NFE2L3: variants seen among roughly 807,000 people sequenced by gnomAD.
NFE2L3 encodes the protein nuclear factor erythroid 2-related factor 3.
NFE2L3 carries 18 observed loss-of-function variants against 23.5 expected under a neutral mutation model. The ratio of observed to expected loss-of-function variants is 0.77; its 90% CI spans 0.53 to 1.13. NFE2L3 has a LOEUF of 1.13. NFE2L3 is among the 50% of genes most tolerant of loss of function. The probability of loss-of-function intolerance (pLI) is 0.00; values close to 1 mark genes in which losing one functional copy is unlikely to be tolerated. For synonymous variants in NFE2L3, 424 were observed against 354.5 expected (o/e 1.20, Z -2.20); for missense variants, 1,152 against 877.2 (o/e 1.31, Z -3.96).
chr7:26,184,767 C>T lies in NFE2L3; in HGVS notation c.1069C>T (p.Pro357Ser), dbSNP rs775776540. ...SHTTNPEQTL[P>S]GTNLTGFLSP... ...TACCACCAATCCTGAGCAAACCCTT[C>T]CTGGAACTAATTTGACAGGATTTCT... is the stretch of plus-strand genomic sequence containing the variant. The change falls in exon 4 of 4, where the codon CCT becomes TCT. Residue 357 changes from proline to serine, a missense_variant. Coordinates refer to ENST00000056233, the MANE Select transcript of NFE2L3 (RefSeq NM_004289.7). The T allele has an allele frequency of 3.1e-6, 5 of 1,613,944 alleles. No homozygotes were observed. Among genetic ancestry groups the T allele is most frequent in the Non-Finnish European group, 4.2e-6 (5 of 1,179,856 alleles).
At chr7:26,167,174 CG>C (rs1478969691) in intron 1 of NFE2L3, among the ~76,000 whole-genome samples, 14 of 152,292 alleles carry the variant, frequency 9.2e-5, no homozygotes, top group African/African-American at 3.4e-4. Flanking sequence ...GCTTCTTACC[CG>C]GGTGGCAAAG....
rs1204227710 is a variant in NFE2L3 at position 26,152,630 on chromosome 7, C to T, written c.132C>T (p.Asp44=). Residue 44 remains aspartate, a synonymous_variant, in exon 1 of 4, where the codon GAC becomes GAT. Coordinates refer to ENST00000056233, the MANE Select transcript of NFE2L3 (RefSeq NM_004289.7). This position sits in a 1 kb window ranked among gnomAD's most constrained non-coding sequence, Gnocchi z 4.4. ...TGCCGCCGCCCACCCTGCTGCAGGA[C>T]GAGCTGCTGTTCCTGGGCGGCCCGG... The part of the protein sequence containing the change: ...LLLPPPTLLQ[D]ELLFLGGPAS... 2.0e-6 allele frequency: 3 copies of T among 1,530,192 alleles called. No individual in the cohort carries two copies. The highest frequency in any genetic ancestry group is 2.4e-5 in the South Asian group (2 of 82,940). 94.8% of individuals were successfully genotyped at this position (1,530,192 alleles called of 1,614,324 possible).
At chr7:26,170,960 G>A (rs528567784) in intron 1 of NFE2L3, among the ~76,000 whole-genome samples, 1 of 152,308 alleles carries the variant, frequency 6.6e-6, no homozygotes, top group East Asian at 1.9e-4. Context: ...TGGGGAAGCT[G>A]AGAGGTGAGA....
rs148621178 is a variant in NFE2L3, at chr7:26,178,517, A to G, written c.750+395A>G. Among the ~76,000 whole-genome samples the G allele has an allele frequency of 3.1e-4, 47 of 152,290 alleles. No homozygotes were observed. The East Asian group carries it at 7.1e-3, about 23-fold the overall frequency. On this transcript the variant is annotated intron_variant, in intron 2 of 3. Coordinates refer to ENST00000056233, the MANE Select transcript of NFE2L3 (RefSeq NM_004289.7). ...AAGCCGAGGACCAACCCTACAGCCA[A>G]TCACCCATGATGTCAGCTAAGGCTT... is the stretch of plus-strand genomic sequence containing the variant.
rs752875806 is a variant in NFE2L3, at chr7:26,184,695, G to T, written c.997G>T (p.Ala333Ser). ...PNNTFRRDPT[A>S]RTSQSQEPFL... Reference sequence around the variant, plus strand: ...CAATACATTTAGAAGAGATCCAACAGCAAGGACTTCACAGTCACAAGAACC... The same window carrying T: ...CAATACATTTAGAAGAGATCCAACATCAAGGACTTCACAGTCACAAGAACC... Residue 333 changes from alanine to serine, a missense_variant, in exon 4 of 4, where the codon GCA becomes TCA. Physicochemically the swap from Ala to Ser is moderately conservative, Grantham distance 99 (BLOSUM62 1). Coordinates refer to ENST00000056233, the MANE Select transcript of NFE2L3 (RefSeq NM_004289.7). The T allele has an allele frequency of 9.0e-5, 146 of 1,613,758 alleles. No homozygotes were observed. Among genetic ancestry groups the T allele is most frequent in the Non-Finnish European group, 1.2e-4 (143 of 1,179,850 alleles).
chr7:26,178,861 G>A, intron 2 of NFE2L3, among the ~76,000 whole-genome samples: 1 of 151,968 alleles, frequency 6.6e-6, no homozygotes. Flanking sequence ...TACCCTCAGG[G>A]GTCTTGCCCT....
At chr7:26,170,365 A>G (rs1192837130) in intron 1 of NFE2L3, among the ~76,000 whole-genome samples, 12 of 152,184 alleles carry the variant, frequency 7.9e-5, no homozygotes, top group Admixed American at 7.2e-4. Context: ...CTCAGTCCAG[A>G]GTTGTGCCCC....
chr7:26,183,665 TTA>T (rs1463166776), intron 2 of NFE2L3, 34 bp from the exon 3 acceptor site: 3 of 1,346,424 alleles, frequency 2.2e-6, no homozygotes, highest in Non-Finnish European at 2.1e-6. Context: ...GTTCAGTCTT[TTA>T]TGTGAAAGAT....
chr7:26,185,105 C>T lies in NFE2L3; in HGVS notation c.1407C>T (p.Tyr469=), dbSNP rs1472012015. The T allele has an allele frequency of 1.2e-6, 2 of 1,613,876 alleles. No homozygotes were observed. The highest frequency in any genetic ancestry group is 1.7e-6 in the Non-Finnish European group (2 of 1,179,838). The change falls in exon 4 of 4, where the codon TAC becomes TAT. Residue 469 remains tyrosine (Y), a synonymous_variant. Coordinates refer to ENST00000056233, the MANE Select transcript of NFE2L3 (RefSeq NM_004289.7). ...HDLEGAVGGY[Y]PEPSKLCHLD... ...TAGAAGGTGCTGTAGGTGGCTACTACCCAGAACCCAGTAAGCTTTGTCACT... is the reference window on the plus strand; with the variant it reads ...TAGAAGGTGCTGTAGGTGGCTACTATCCAGAACCCAGTAAGCTTTGTCACT...
chr7:26,161,252 T>C (rs761810755), intron 1 of NFE2L3, among the ~76,000 whole-genome samples: 1 of 151,906 alleles, frequency 6.6e-6, no homozygotes, highest in Non-Finnish European at 1.5e-5. Flanking sequence ...CTTGGACTTG[T>C]TGAGGAGGCA....
chr7:26,154,264 C>A (rs184521700), intron 1 of NFE2L3, among the ~76,000 whole-genome samples: 17 of 152,288 alleles, frequency 1.1e-4, no homozygotes, highest in African/African-American at 4.1e-4. Flanking sequence ...AGGTTCTTCC[C>A]CACTCACTCA....
chr7:26,157,276 C>CA (rs1399204177), intron 1 of NFE2L3, among the ~76,000 whole-genome samples: 29 of 152,052 alleles, frequency 1.9e-4, no homozygotes, highest in Non-Finnish European at 3.8e-4. Flanking sequence ...CTCCTGGACT[C>CA]AAACAATTCT....
intron 2 of NFE2L3, among the ~76,000 whole-genome samples, chr7:26,179,691 G>GC (rs33998608): frequency 0.063 from 9,552 of 152,110 alleles, 395 homozygotes; most frequent in African/African-American, 0.11. Context: ...GGGTGACAGA[G>GC]CAGGACCCTG....
intron 1 of NFE2L3, among the ~76,000 whole-genome samples, chr7:26,162,459 T>C (rs1421333660): frequency 1.3e-5 from 2 of 152,160 alleles, no homozygotes; most frequent in Non-Finnish European, 2.9e-5. Flanking sequence ...GTATTCTGTT[T>C]ACGTATGTTT....
chr7:26,180,218 CCTT>C (rs1190175651), intron 2 of NFE2L3, among the ~76,000 whole-genome samples: 5 of 152,150 alleles, frequency 3.3e-5, no homozygotes, highest in Non-Finnish European at 7.3e-5. Context: ...TAAGTGGTCT[CCTT>C]GAGGCCCTTT....
At chr7:26,161,358 TTTTTTTG>T (rs1240529344) in intron 1 of NFE2L3, among the ~76,000 whole-genome samples, 27 of 107,220 alleles carry the variant, frequency 2.5e-4, no homozygotes, top group African/African-American at 1.0e-3. Flanking sequence ...TTTTTTTTTT[TTTTTTTG>T]GGTCTTACCT....
At chr7:26,184,502 A>C in intron 3 of NFE2L3, 31 bp from the exon 4 acceptor site, 2 of 1,573,062 alleles carry the variant, frequency 1.3e-6, no homozygotes, top group Non-Finnish European at 1.7e-6. Context: ...AGGGCTATTC[A>C]TGTTTGAAGT....
intron 3 of NFE2L3, chr7:26,184,235 ATCT>A (rs1583941132): frequency 5.4e-6 from 2 of 371,842 alleles, no homozygotes; most frequent in African/African-American, 2.1e-5. Flanking sequence ...GATGAGTTGC[ATCT>A]TATTATAAAG....
intron 2 of NFE2L3, among the ~76,000 whole-genome samples, chr7:26,178,706 T>TC (rs1784457791): frequency 6.6e-6 from 1 of 152,156 alleles, no homozygotes; most frequent in African/African-American, 2.4e-5. Flanking sequence ...AAGGGATGGA[T>TC]GCTTTCTGCG....
Sources: allele counts gnomAD v4.1 joint callset (sites outside exome capture counted in the v4.1 genomes callset), GRCh38; gene constraint gnomAD v4.1.1; non-coding constraint Gnocchi (gnomAD v3.1); transcripts MANE v1.5; gene names NCBI Gene and HGNC (gene_info 2026-07-23, HGNC 2026-07-21).